The following ROBO1 variants were observed in gnomAD, a reference collection of about 807,000 sequenced individuals.
The protein encoded by ROBO1 is roundabout guidance receptor 1.
Under a neutral mutation model 195.9 loss-of-function variants are expected in ROBO1, and 149 were observed. The ratio of observed to expected loss-of-function variants is 0.76; its 90% CI spans 0.67 to 0.87. The LOEUF is 0.87. ROBO1 is among the 40% of genes least tolerant of loss of function. The pLI is 0.00. For synonymous variants in ROBO1, 816 were observed against 733.2 expected (o/e 1.11, Z -1.82); for missense variants, 1,933 against 2,068.3 (o/e 0.93, Z 1.27).
chr3:78,701,163 G>A (rs2081411579), intron 8 of ROBO1, among the ~76,000 whole-genome samples: 3 of 152,118 alleles, frequency 2.0e-5, no homozygotes, highest in Non-Finnish European at 2.9e-5. Context: ...TGTAATTTTG[G>A]TTCTGAAATG....
chr3:79,287,293 T>C (rs970981506), intron 2 of ROBO1, among the ~76,000 whole-genome samples: 3 of 152,124 alleles, frequency 2.0e-5, no homozygotes, highest in Admixed American at 2.0e-4. Flanking sequence ...TTTAATCTGA[T>C]AGCATAACCA....
At chr3:79,531,026 C>T (rs1470272658) in intron 2 of ROBO1, among the ~76,000 whole-genome samples, 1 of 152,106 alleles carries the variant, frequency 6.6e-6, no homozygotes, top group Non-Finnish European at 1.5e-5. Context: ...CACTCACACA[C>T]TATTTTTCTC....
intron 2 of ROBO1, among the ~76,000 whole-genome samples, chr3:79,246,809 G>A (rs187463329): frequency 6.6e-6 from 1 of 152,076 alleles, no homozygotes; most frequent in African/African-American, 2.4e-5. Context: ...CATGGTTCTA[G>A]GGAGAATTAA....
chr3:78,980,884 T>C (rs1334976062), intron 3 of ROBO1, among the ~76,000 whole-genome samples: 1 of 152,180 alleles, frequency 6.6e-6, no homozygotes, highest in Non-Finnish European at 1.5e-5. Flanking sequence ...TGGAAATAAC[T>C]TGTGAGTTTT....
chr3:78,823,196 T>C (rs2031198324), intron 4 of ROBO1, among the ~76,000 whole-genome samples: 1 of 151,978 alleles, frequency 6.6e-6, no homozygotes, highest in Non-Finnish European at 1.5e-5. Flanking sequence ...ATGATTTTTT[T>C]TTTTTTTTTT....
intron 11 of ROBO1, 66 bp downstream of exon 11, chr3:78,670,030 G>T: frequency 8.0e-7 from 1 of 1,250,556 alleles, no homozygotes; most frequent in Non-Finnish European, 1.1e-6. Flanking sequence ...AAATTTCAAT[G>T]CCAGTTGTTG....
At chr3:79,215,843 G>A (rs1202326254) in intron 2 of ROBO1, among the ~76,000 whole-genome samples, 2 of 152,118 alleles carry the variant, frequency 1.3e-5, no homozygotes, top group African/African-American at 4.8e-5. Context: ...ACATGGATGG[G>A]TTTTAGATCT....
chr3:79,397,760 C>A (rs192617172), intron 2 of ROBO1, among the ~76,000 whole-genome samples: 1 of 152,160 alleles, frequency 6.6e-6, no homozygotes, highest in Admixed American at 6.5e-5. Context: ...AAGTTTTGAC[C>A]AAAGGCTCGC....
intron 1 of ROBO1, among the ~76,000 whole-genome samples, chr3:79,595,338 C>G (rs965905936): frequency 2.0e-5 from 3 of 151,984 alleles, no homozygotes; most frequent in Admixed American, 2.0e-4. Context: ...CATATTTCCA[C>G]AAAGTCAAAA....
intron 2 of ROBO1, chr3:79,533,135 C>A (rs1277821446): frequency 2.3e-6 from 1 of 428,176 alleles, no homozygotes; most frequent in South Asian, 1.7e-5. Flanking sequence ...GGAGAGGGCA[C>A]TTTTATAATA....
intron 3 of ROBO1, among the ~76,000 whole-genome samples, chr3:78,952,036 C>T (rs9836486): frequency 0.1 from 15,515 of 151,212 alleles, 1,976 homozygotes; most frequent in African/African-American, 0.31. Flanking sequence ...TTAATATTTA[C>T]CTTATGGTTT....
intron 2 of ROBO1, among the ~76,000 whole-genome samples, chr3:79,147,523 T>A (rs989375531): frequency 1.3e-5 from 2 of 151,906 alleles, no homozygotes; most frequent in Non-Finnish European, 2.9e-5. Flanking sequence ...TGCTTAGAAT[T>A]TGAGTTAAAT....
chr3:79,036,286 A>G (rs2078380046), intron 3 of ROBO1, among the ~76,000 whole-genome samples: 1 of 152,004 alleles, frequency 6.6e-6, no homozygotes, highest in African/African-American at 2.4e-5. Context: ...AGTATATTTT[A>G]TCTTTATTTG....
intron 23 of ROBO1, among the ~76,000 whole-genome samples, chr3:78,635,215 C>T (rs112429663): frequency 1.2e-4 from 18 of 152,216 alleles, no homozygotes; most frequent in East Asian, 1.9e-4. Context: ...AGGTTCTATA[C>T]GGACAGACTT....
intron 4 of ROBO1, among the ~76,000 whole-genome samples, chr3:78,772,548 C>A (rs2083402233): frequency 1.3e-5 from 2 of 152,102 alleles, no homozygotes; most frequent in Non-Finnish European, 1.5e-5. Flanking sequence ...TGAAATAATT[C>A]TAAGATTCTG....
At chr3:78,636,185 G>C in intron 22 of ROBO1, 77 bp from the exon 23 acceptor site, 2 of 1,068,726 alleles carry the variant, frequency 1.9e-6, no homozygotes, top group Non-Finnish European at 2.7e-6. Context: ...ACGTAGCTTT[G>C]CGAGTCATCA....
At chr3:79,415,415 A>G (rs1196399730) in intron 2 of ROBO1, among the ~76,000 whole-genome samples, 1 of 152,144 alleles carries the variant, frequency 6.6e-6, no homozygotes, top group Non-Finnish European at 1.5e-5. Flanking sequence ...TGAGAAAGTG[A>G]TGCGTAAGCA....
At position 78,635,844 on chromosome 3, in the gene ROBO1, G is replaced by A. The variant is rs1473928774; in HGVS notation, c.3302C>T (p.Pro1101Leu). The change falls in exon 23 of 31, where the codon CCA (proline) becomes CTA (leucine). Residue 1101 changes from proline (P) to leucine (L), a missense_variant. Coordinates refer to ENST00000464233, the MANE Select transcript of ROBO1 (RefSeq NM_002941.4). Reference sequence around the variant, plus strand: ...CACTTCTTGTTTCTGCTGTCCCAGTGGTTTCCAGTGCTTCTCGCCAGAGTC... The same window carrying A: ...CACTTCTTGTTTCTGCTGTCCCAGTAGTTTCCAGTGCTTCTCGCCAGAGTC... ...SGDSGEKHWK[P>L]LGQQKQEVAP... is the part of the protein sequence containing the mutation. The A allele has an allele frequency of 1.9e-6, 3 of 1,613,842 alleles. No homozygotes were observed. Among genetic ancestry groups the A allele is most frequent in the Non-Finnish European group, 1.7e-6 (2 of 1,179,834 alleles).
intron 2 of ROBO1, among the ~76,000 whole-genome samples, chr3:79,465,400 T>C (rs1937906185): frequency 6.6e-6 from 1 of 152,188 alleles, no homozygotes; most frequent in Admixed American, 6.5e-5. Context: ...ATTTTGTTGG[T>C]TACGCATTTT....
Sources: allele counts gnomAD v4.1 joint callset (sites outside exome capture counted in the v4.1 genomes callset), GRCh38; gene constraint gnomAD v4.1.1; transcripts MANE v1.5; gene names NCBI Gene and HGNC (gene_info 2026-07-23, HGNC 2026-07-21).